The following RAD21 variants were observed in gnomAD, a reference collection of about 807,000 sequenced individuals.
The protein encoded by RAD21 is RAD21 cohesin complex component.
Under a neutral mutation model 71.5 loss-of-function variants are expected in RAD21, and 18 were observed. The ratio of observed to expected loss-of-function variants is 0.25; its 90% CI spans 0.17 to 0.37. The LOEUF (loss-of-function observed/expected upper bound fraction) is 0.37. Among genes scored for constraint, RAD21 ranks in the 10% least tolerant of loss-of-function variants. RAD21 has a pLI of 1.00. For missense variants in RAD21, 493 were observed against 769.1 expected (o/e 0.64, Z 4.25); for synonymous variants, 248 against 254.0 (o/e 0.98, Z 0.22).
chr8:116,869,206 A>AT (rs1185463083), intron 1 of RAD21, among the ~76,000 whole-genome samples: 73 of 152,338 alleles, frequency 4.8e-4, no homozygotes, highest in African/African-American at 1.6e-3. Context: ...TGTAAACCAC[A>AT]CATCTGACTA....
intron 9 of RAD21, 145 bp from the exon 10 acceptor site, chr8:116,852,853 C>A (rs1429640217): frequency 1.8e-6 from 1 of 557,534 alleles, no homozygotes; most frequent in East Asian, 3.6e-5. Context: ...ACATTTCATT[C>A]CATCTGAAAA....
In RAD21 at chr8:116,866,458, A is replaced by G. The variant is rs553567887; in HGVS notation, c.144+128T>C. ...AGAGGTGATAAGGACTTCACATAAT[A>G]AAGAAACATTTCTAAGGATTTTCCT... On this transcript the variant is annotated intron_variant, in intron 2 of 13. Coordinates refer to ENST00000297338, the MANE Select transcript of RAD21 (RefSeq NM_006265.3). The G allele has an allele frequency of 6.5e-6, 5 of 766,548 alleles. No individual in the cohort carries two copies. The Admixed American group carries it at 1.0e-4, about 15-fold the overall frequency. 47.5% of individuals were successfully genotyped at this position (766,548 alleles called of 1,614,324 possible).
chr8:116,851,941 T>C lies in RAD21; in HGVS notation c.1470+7A>G, dbSNP rs763811034. On this transcript the variant is annotated splice_region_variant and intron_variant, in intron 11 of 13. Coordinates refer to ENST00000297338, the MANE Select transcript of RAD21 (RefSeq NM_006265.3). ...AAATGACTTAATGGATAGATTTGCT[T>C]ACTTACAGGCATCACAGGCTCTGGG... 6 of 1,603,210 alleles carry C rather than the reference T, an allele frequency of 3.7e-6. No individual in the cohort carries two copies. The South Asian group carries it at 5.5e-5, about 15-fold the overall frequency.
At position 116,847,287 on chromosome 8, in the gene RAD21, T is replaced by C; in HGVS notation, c.*213A>G. 1 of 473,280 alleles carries C rather than the reference T, an allele frequency of 2.1e-6. No individual in the cohort carries two copies. The highest frequency in any genetic ancestry group is 3.7e-6 in the Non-Finnish European group (1 of 268,232). 29.3% of individuals were successfully genotyped at this position (473,280 alleles called of 1,614,324 possible). The stretch of plus-strand genomic sequence containing the variant: ...TCTGAGTCCTTGGGGTGCTGTTTTC[T>C]CCATCAGAACACAAACACAACCCAT... On this transcript the variant is annotated 3_prime_UTR_variant, in exon 14 of 14. Transcript: ENST00000297338.
chr8:116,871,162 G>A (rs760780854), intron 1 of RAD21, among the ~76,000 whole-genome samples: 2 of 152,094 alleles, frequency 1.3e-5, no homozygotes, highest in Non-Finnish European at 2.9e-5. Context: ...TGCCTTTTAA[G>A]CCTATTTTTT....
intron 4 of RAD21, among the ~76,000 whole-genome samples, chr8:116,859,356 T>A (rs16888950): frequency 2.2e-4 from 33 of 152,264 alleles, no homozygotes; most frequent in Admixed American, 1.2e-3. Context: ...TTTTCATTAT[T>A]ATATTTGTTA....
At chr8:116,848,441 CAT>C (rs1223955533) in intron 13 of RAD21, among the ~76,000 whole-genome samples, 2 of 152,118 alleles carry the variant, frequency 1.3e-5, no homozygotes, top group African/African-American at 4.8e-5. Flanking sequence ...TTAATAAACA[CAT>C]GTCAACTGTC....
At chr8:116,872,071 G>C (rs763417846) in intron 1 of RAD21, among the ~76,000 whole-genome samples, 3 of 151,530 alleles carry the variant, frequency 2.0e-5, no homozygotes, top group Non-Finnish European at 4.4e-5. Flanking sequence ...GTTGGAGGGG[G>C]GGACAAAAAA....
intron 4 of RAD21, among the ~76,000 whole-genome samples, chr8:116,858,914 A>C (rs187574386): frequency 6.6e-6 from 1 of 152,202 alleles, no homozygotes. Flanking sequence ...ACACCAATCT[A>C]AACACTATCA....
intron 11 of RAD21, chr8:116,851,484 C>T (rs997810251): frequency 1.3e-5 from 2 of 152,658 alleles, no homozygotes; most frequent in Non-Finnish European, 2.9e-5. Flanking sequence ...AAACCAAACC[C>T]TACTATTTCC....
intron 1 of RAD21, among the ~76,000 whole-genome samples, chr8:116,871,223 C>T (rs1812817060): frequency 6.6e-6 from 1 of 151,994 alleles, no homozygotes; most frequent in African/African-American, 2.4e-5. Flanking sequence ...GTCGATTAAT[C>T]TGTTTAGATT....
At chr8:116,859,730 C>T (rs1039865867) in intron 4 of RAD21, among the ~76,000 whole-genome samples, 7 of 151,912 alleles carry the variant, frequency 4.6e-5, no homozygotes, top group African/African-American at 1.7e-4. Flanking sequence ...GAAATAAGGC[C>T]AATTAATAAC....
At chr8:116,852,341 A>G in intron 10 of RAD21, 1 of 652,542 alleles carries the variant, frequency 1.5e-6, no homozygotes, top group African/African-American at 1.8e-5. Context: ...TTAGCAGACT[A>G]TCTACCCTGC....
chr8:116,856,069 T>A, intron 8 of RAD21, 97 bp downstream of exon 8: 1 of 1,371,028 alleles, frequency 7.3e-7, no homozygotes, highest in Non-Finnish European at 9.8e-7. Flanking sequence ...AGAAGCCTAG[T>A]TATCTAATAC....
intron 13 of RAD21, 43 bp downstream of exon 13, chr8:116,848,903 G>A: frequency 1.3e-6 from 2 of 1,517,370 alleles, no homozygotes; most frequent in Admixed American, 1.8e-5. Context: ...AATGGCAAAA[G>A]CCTTTGATGA....
At chr8:116,871,911 G>C (rs1586279939) in intron 1 of RAD21, among the ~76,000 whole-genome samples, 1 of 152,130 alleles carries the variant, frequency 6.6e-6, no homozygotes, top group Non-Finnish European at 1.5e-5. Context: ...ATGCTGCCTT[G>C]CCAGAGCAGA....
In RAD21 at chr8:116,848,961, C is replaced by G; in HGVS notation, c.1689G>C (p.Met563Ile). ...GCGGCAATACCTGAAGACCATGAAG[C>G]ATCTGCTGAGTCCTTTTGTTCCATC... ...ERRWNKRTQQ[M>I]LHGLQRALAK... The change falls in exon 13 of 14, where the codon ATG becomes ATC. Residue 563 changes from methionine (M) to isoleucine (I), a missense_variant. Transcript: ENST00000297338. 1 of 1,608,214 alleles carries G rather than the reference C, an allele frequency of 6.2e-7. No homozygotes were observed. The highest frequency in any genetic ancestry group is 8.5e-7 in the Non-Finnish European group (1 of 1,177,184).
Position 116,866,678 on chromosome 8 carries a change from A to C in RAD21, c.52T>G (p.Trp18Gly). The C allele has an allele frequency of 6.2e-7, 1 of 1,613,632 alleles. No individual in the cohort carries two copies. Among genetic ancestry groups the C allele is most frequent in the Non-Finnish European group, 8.5e-7 (1 of 1,179,766 alleles). The change falls in exon 2 of 14, where the codon TGG becomes GGG. Residue 18 changes from tryptophan (W) to glycine (G), a missense_variant. Around this residue, in one of 5 missense-constraint regions of RAD21, gnomAD observed 27 missense variants for 144.1 expected, o/e 0.19. Transcript: ENST00000297338. ...LSKRGPLAKI[W>G]LAAHWDKKLT... Reference sequence around the variant, plus strand: ...TTCTTATCCCAATGGGCCGCTAGCCAAATTTTGGCCAGAGGCCCTCTTTTA... The same window carrying C: ...TTCTTATCCCAATGGGCCGCTAGCCCAATTTTGGCCAGAGGCCCTCTTTTA...
chr8:116,846,308 A>G lies in RAD21; in HGVS notation c.*1192T>C, dbSNP rs1020543137. ...TTCAAAAGTGATTTTTTTTTCCCACAAAAGTTTCAACACTTAAGCTAGAAC... is the reference window on the plus strand; with the variant it reads ...TTCAAAAGTGATTTTTTTTTCCCACGAAAGTTTCAACACTTAAGCTAGAAC... On this transcript the variant is annotated 3_prime_UTR_variant, in exon 14 of 14. Transcript: ENST00000297338. The G allele has an allele frequency of 4.3e-6, 1 of 231,320 alleles. No homozygotes were observed. Among genetic ancestry groups the G allele is most frequent in the Non-Finnish European group, 8.6e-6 (1 of 116,692 alleles). 14.3% of individuals were successfully genotyped at this position (231,320 alleles called of 1,614,324 possible).
Sources: allele counts gnomAD v4.1 joint callset (sites outside exome capture counted in the v4.1 genomes callset), GRCh38; gene constraint gnomAD v4.1.1; regional missense constraint gnomAD v4.1.1; transcripts MANE v1.5; gene names NCBI Gene and HGNC (gene_info 2026-07-23, HGNC 2026-07-21).